Variants in REXO4 observed in about 807,000 individuals in gnomAD.
The protein encoded by REXO4 is REX4 homolog, 3'-5' exonuclease.
Under a neutral mutation model 39.9 loss-of-function variants are expected in REXO4, and 29 were observed. That is an observed-to-expected ratio of 0.73 (90% CI 0.54 to 0.99). The LOEUF (loss-of-function observed/expected upper bound fraction) is 0.99, where lower values mean the gene tolerates loss of function less well. REXO4 is among the 50% of genes least tolerant of loss of function. REXO4 has a pLI of 0.00. For missense variants in REXO4, 524 were observed against 546.5 expected (o/e 0.96, Z 0.41); for synonymous variants, 184 against 206.2 (o/e 0.89, Z 0.92).
chr9:133,413,879 C>T (rs971152692), intron 2 of REXO4, among the ~76,000 whole-genome samples: 8 of 152,196 alleles, frequency 5.3e-5, no homozygotes, highest in Non-Finnish European at 7.3e-5. Flanking sequence ...TGAACTCTAT[C>T]CCAGACAGCC....
chr9:133,417,718 G>A lies in REXO4; in HGVS notation c.127C>T (p.Arg43Trp), dbSNP rs781960842. 1.9e-6 allele frequency: 3 copies of A among 1,614,110 alleles called. No homozygotes were observed. Among genetic ancestry groups the A allele is most frequent in the African/African-American group, 1.3e-5 (1 of 75,062 alleles). Residue 43 changes from arginine to tryptophan, a missense_variant, in exon 1 of 8, where the codon CGG becomes TGG. Arg to Trp is a moderately radical substitution (Grantham distance 101). Transcript: ENST00000371942. Reference protein sequence around the residue: ...KKKRFWKSKAREVSKKPASGP... With the variant: ...KKKRFWKSKAWEVSKKPASGP... ...CTTGCTGGCTTCTTGCTTACTTCCC[G>A]CGCCTTGCTTTTCCAAAACCTTTTT... is the stretch of plus-strand genomic sequence containing the variant.
At chr9:133,416,292 T>C (rs954722838) in intron 1 of REXO4, among the ~76,000 whole-genome samples, 6 of 152,168 alleles carry the variant, frequency 3.9e-5, no homozygotes, top group Non-Finnish European at 8.8e-5. Context: ...CACCAAGTCA[T>C]TCATGAGGGA....
In REXO4 at chr9:133,417,972, G is replaced by A. The variant is rs1784587040; in HGVS notation, c.-128C>T. 4 of 849,728 alleles carry A rather than the reference G, an allele frequency of 4.7e-6. 1 individual carries two copies. The South Asian group carries it at 5.3e-5, about 11-fold the overall frequency. The allele number at this position is 849,728 out of a possible 1,614,324, so 52.6% of individuals were successfully genotyped here. ...ACACCCACCGCAGGGACCCCGTCCA[G>A]GAAAAGACTCCGGAAGAGACCCCGC... On this transcript the variant is annotated 5_prime_UTR_variant, in exon 1 of 8. Transcript: ENST00000371942.
intron 4 of REXO4, 22 bp from the exon 5 acceptor site, chr9:133,411,095 G>A (rs150153251): frequency 6.2e-6 from 10 of 1,602,874 alleles, no homozygotes; most frequent in African/African-American, 1.3e-5. Flanking sequence ...ACACAAAGAA[G>A]CGGTTTTTTG....
rs1838876783 is a variant in REXO4 at position 133,406,358 on chromosome 9, A to C, written c.*595T>G. On this transcript the variant is annotated 3_prime_UTR_variant, in exon 8 of 8. Coordinates refer to ENST00000371942, the MANE Select transcript of REXO4 (RefSeq NM_020385.4). ...AACACATCCTCGTGCTATGGGGAGAAGCCTCTGCTGGGTGACCCACCAGCC... is the reference window on the plus strand; with the variant it reads ...AACACATCCTCGTGCTATGGGGAGACGCCTCTGCTGGGTGACCCACCAGCC... 6.5e-6 allele frequency: 1 copy of C among 153,428 alleles called. No homozygotes were observed. Among genetic ancestry groups the C allele is most frequent in the Non-Finnish European group, 1.5e-5 (1 of 68,718 alleles). 9.5% of individuals were successfully genotyped at this position (153,428 alleles called of 1,614,324 possible).
chr9:133,406,705 C>A lies in REXO4; in HGVS notation c.*248G>T. 1 of 546,016 alleles carries A rather than the reference C, an allele frequency of 1.8e-6. No homozygotes were observed. Among genetic ancestry groups the A allele is most frequent in the Non-Finnish European group, 3.2e-6 (1 of 308,818 alleles). 33.8% of individuals were successfully genotyped at this position (546,016 alleles called of 1,614,324 possible). A position where few individuals can be genotyped will look rare whatever the true frequency, so the allele number is the denominator to read the frequency against. On this transcript the variant is annotated 3_prime_UTR_variant, in exon 8 of 8. Transcript: ENST00000371942. ...CAGCAGTCGGTAAAGCGTGGCCAGG[C>A]GTGCCCATGGCCGTCCCTGCTCCCC...
chr9:133,414,381 G>C (rs782183188), intron 2 of REXO4: 8 of 634,572 alleles, frequency 1.3e-5, no homozygotes, highest in Admixed American at 2.1e-5. Context: ...GCAGGGACAG[G>C]CCTCATACTT....
intron 7 of REXO4, 135 bp from the exon 8 acceptor site, chr9:133,407,207 G>A (rs1838931634): frequency 7.3e-7 from 1 of 1,377,866 alleles, no homozygotes; most frequent in Non-Finnish European, 1.0e-6. Context: ...GCCACGAGAT[G>A]TCACCAGGAC....
Position 133,412,867 on chromosome 9 carries a change from A to C in REXO4, c.627T>G (p.Gly209=), listed in dbSNP as rs1554780574. 1 of 1,613,992 alleles carries C rather than the reference A, an allele frequency of 6.2e-7. No individual in the cohort carries two copies. Among genetic ancestry groups the C allele is most frequent in the Admixed American group, 1.7e-5 (1 of 60,014 alleles). ...VDPADIEAAI[G]PEAAKIARKQ... Reference sequence around the variant, plus strand: ...TCCTCGCTATCTTGGCCGCCTCTGGACCTATGGCAGCTTCGATATCCGCTG... The same window carrying C: ...TCCTCGCTATCTTGGCCGCCTCTGGCCCTATGGCAGCTTCGATATCCGCTG... The change falls in exon 3 of 8, where the codon GGT becomes GGG. Residue 209 remains glycine, a synonymous_variant. Transcript: ENST00000371942.
In REXO4 at chr9:133,414,499, C is replaced by T. The variant is rs192239098; in HGVS notation, c.572+166G>A. On this transcript the variant is annotated intron_variant, in intron 2 of 7. Transcript: ENST00000371942. ...AAGAAGCAGGCCCTGCCTTATCATGCGCACACTCTAGGGGAAAACAAGTAA... is the reference window on the plus strand; with the variant it reads ...AAGAAGCAGGCCCTGCCTTATCATGTGCACACTCTAGGGGAAAACAAGTAA... 94 of 736,260 alleles carry T rather than the reference C, an allele frequency of 1.3e-4. 1 individual carries two copies. The highest frequency in any genetic ancestry group is 6.9e-4 in the African/African-American group (40 of 58,046). The allele number at this position is 736,260 out of a possible 1,614,324, so 45.6% of individuals were successfully genotyped here. A position where few individuals can be genotyped will look rare whatever the true frequency, so the allele number is the denominator to read the frequency against.
chr9:133,411,646 G>C (rs960113654), intron 4 of REXO4, among the ~76,000 whole-genome samples: 12 of 152,118 alleles, frequency 7.9e-5, no homozygotes, highest in African/African-American at 2.9e-4. Flanking sequence ...TTTTTAGAAG[G>C]CCAGGTGCAG....
Position 133,406,954 on chromosome 9 carries a change from T to C in REXO4, c.1268A>G (p.Ter423TrpextTer47), listed in dbSNP as rs1554778931. 6.2e-7 allele frequency: 1 copy of C among 1,610,728 alleles called. No homozygotes were observed. The highest frequency in any genetic ancestry group is 8.5e-7 in the Non-Finnish European group (1 of 1,179,964). Residue 423 changes from the stop codon to tryptophan, a stop_lost, in exon 8 of 8, where the codon TAG (stop) becomes TGG (tryptophan). Transcript: ENST00000371942. ...TAPDHCSDDA[*>W] ...GGCAGCAGCAGCAGGGCAGGACTGC[T>C]AGGCGTCGTCACTGCAGTGGTCTGG... is the stretch of plus-strand genomic sequence containing the variant.
intron 5 of REXO4, among the ~76,000 whole-genome samples, chr9:133,409,166 C>T (rs1839086217): frequency 6.6e-6 from 1 of 152,094 alleles, no homozygotes; most frequent in South Asian, 2.1e-4. Flanking sequence ...AGGGTTTTGC[C>T]ATGTTGGCCA....
intron 1 of REXO4, among the ~76,000 whole-genome samples, chr9:133,416,615 G>A (rs587655444): frequency 4.6e-5 from 7 of 152,324 alleles, no homozygotes; most frequent in South Asian, 2.1e-4. Context: ...TATGAGTGAC[G>A]CACGTGGAAG....
chr9:133,407,004 T>G lies in REXO4; in HGVS notation c.1218A>C (p.Arg406=). 6.2e-7 allele frequency: 1 copy of G among 1,613,142 alleles called. No individual in the cohort carries two copies. Among genetic ancestry groups the G allele is most frequent in the Non-Finnish European group, 8.5e-7 (1 of 1,180,000 alleles). ...MVKKEWESMA[R]DRRPLLTAPD... is the part of the protein sequence containing the mutation. ...GAGCAGTCAGCAGGGGGCGCCTGTC[T>G]CGGGCCATGCTCTCCCACTCCTTCT... The change falls in exon 8 of 8, where the codon CGA becomes CGC. Residue 406 remains arginine (R), a synonymous_variant. Coordinates refer to ENST00000371942, the MANE Select transcript of REXO4 (RefSeq NM_020385.4).
At position 133,417,638 on chromosome 9, in the gene REXO4, GTTTTGAGAAAAGTCT is replaced by G. The variant is rs1554781947; in HGVS notation, c.192_206del (p.Glu64_Asn69delinsAsp). The G allele has an allele frequency of 6.2e-7, 1 of 1,613,748 alleles. No individual in the cohort carries two copies. Among genetic ancestry groups the G allele is most frequent in the East Asian group, 2.2e-5 (1 of 44,898 alleles). ...GCCTCACCTCTTGCAGCGCCTTCCAGTTTTGAGAAAAGTCTTCTGGTGCCTTTGGAGGTCGCACCA... is the reference window on the plus strand; with the variant it reads ...GCCTCACCTCTTGCAGCGCCTTCCAGTCTGGTGCCTTTGGAGGTCGCACCA... On this transcript the variant is annotated inframe_deletion, in exon 1 of 8. Coordinates refer to ENST00000371942, the MANE Select transcript of REXO4 (RefSeq NM_020385.4).
chr9:133,412,660 C>G (rs1839284376), intron 3 of REXO4, 118 bp downstream of exon 3: 1 of 1,465,600 alleles, frequency 6.8e-7, no homozygotes, highest in Non-Finnish European at 9.3e-7. Context: ...TTAGCAGGAC[C>G]CTGGGAGGTG....
At chr9:133,410,193 C>T (rs3124781) in intron 5 of REXO4, among the ~76,000 whole-genome samples, 50,451 of 152,102 alleles carry the variant, frequency 0.33, 8,975 homozygotes, top group South Asian at 0.45. Flanking sequence ...CTCACCACAC[C>T]CAAGTGCTTC....
intron 1 of REXO4, among the ~76,000 whole-genome samples, chr9:133,416,305 T>C (rs1554781550): frequency 6.6e-6 from 1 of 152,210 alleles, no homozygotes; most frequent in African/African-American, 2.4e-5. Flanking sequence ...ATGAGGGATC[T>C]ACCCCCATGA....
Sources: allele counts gnomAD v4.1 joint callset (sites outside exome capture counted in the v4.1 genomes callset), GRCh38; gene constraint gnomAD v4.1.1; transcripts MANE v1.5; gene names NCBI Gene and HGNC (gene_info 2026-07-23, HGNC 2026-07-21).